The following MFSD6 variants were observed in gnomAD, a reference collection of about 807,000 sequenced individuals.
MFSD6 encodes major facilitator superfamily domain containing 6, also known as major facilitator superfamily domain-containing protein 6.
In MFSD6, 26 loss-of-function variants were observed where a neutral mutation model predicts 56.3. The ratio of observed to expected loss-of-function variants is 0.46; its 90% CI spans 0.34 to 0.64. MFSD6 has a LOEUF of 0.64. Among genes scored for constraint, MFSD6 ranks in the 30% least tolerant of loss-of-function variants. The pLI is 0.01. For missense variants in MFSD6, 750 were observed against 986.2 expected (o/e 0.76, Z 3.21); for synonymous variants, 331 against 366.9 (o/e 0.90, Z 1.12).
intron 3 of MFSD6, among the ~76,000 whole-genome samples, chr2:190,449,579 G>A (rs553504192): frequency 3.3e-5 from 5 of 152,164 alleles, no homozygotes; most frequent in South Asian, 4.2e-4. Flanking sequence ...TGTTTATTGC[G>A]GCACTATTCA....
Position 190,492,907 on chromosome 2 carries a change from C to A in MFSD6, c.1891+3041C>A, listed in dbSNP as rs912327450. Among the ~76,000 whole-genome samples the A allele has an allele frequency of 3.3e-5, 5 of 151,910 alleles. No homozygotes were observed. Among genetic ancestry groups the A allele is most frequent in the African/African-American group, 4.8e-5 (2 of 41,338 alleles). ...AATCTTGAAACAAATCCTGGAAACACATCCAAACAGAACCTCTTTAAAGCA... is the reference window on the plus strand; with the variant it reads ...AATCTTGAAACAAATCCTGGAAACAAATCCAAACAGAACCTCTTTAAAGCA... On this transcript the variant is annotated intron_variant, in intron 6 of 7. Coordinates refer to ENST00000392328, the MANE Select transcript of MFSD6 (RefSeq NM_017694.4). The surrounding 1 kb of genome is among the most constrained non-coding windows in gnomAD (Gnocchi z 5.2).
chr2:190,473,235 A>T (rs1379013397), intron 4 of MFSD6, among the ~76,000 whole-genome samples: 1 of 152,198 alleles, frequency 6.6e-6, no homozygotes, highest in Non-Finnish European at 1.5e-5. Flanking sequence ...CACACATAAC[A>T]ATATTAACCT....
At position 190,471,265 on chromosome 2, in the gene MFSD6, G is replaced by A. The variant is rs182296061; in HGVS notation, c.1630+1410G>A. Among the ~76,000 whole-genome samples the A allele has an allele frequency of 6.6e-6, 1 of 152,328 alleles. No individual in the cohort carries two copies. Among genetic ancestry groups the A allele is most frequent in the East Asian group, 1.9e-4 (1 of 5,176 alleles). Reference sequence around the variant, plus strand: ...GGTGCAGGATAGTGGGTGCAGCGCGGTGAGCGTGAGCTGAAGCAGGGCGAG... The same window carrying A: ...GGTGCAGGATAGTGGGTGCAGCGCGATGAGCGTGAGCTGAAGCAGGGCGAG... On this transcript the variant is annotated intron_variant, in intron 4 of 7. Transcript: ENST00000392328. The surrounding 1 kb of genome is among the most constrained non-coding windows in gnomAD (Gnocchi z 4.7).
chr2:190,425,947 C>T lies in MFSD6; in HGVS notation c.-53-10030C>T, dbSNP rs1475059162. ...GCTATCATTTCAATTGTTTTTCTCC[C>T]ATTGGTAAGTTGTTTCTCTCTGCTT... On this transcript the variant is annotated intron_variant, in intron 2 of 7. Coordinates refer to ENST00000392328, the MANE Select transcript of MFSD6 (RefSeq NM_017694.4). The surrounding 1 kb of genome is among the most constrained non-coding windows in gnomAD (Gnocchi z 4.3). Among the ~76,000 whole-genome samples the T allele has an allele frequency of 6.6e-6, 1 of 152,106 alleles. No homozygotes were observed. The highest frequency in any genetic ancestry group is 1.5e-5 in the Non-Finnish European group (1 of 68,022).
rs528896507 is a variant in MFSD6, at chr2:190,491,461, C to G, written c.1891+1595C>G. Among the ~76,000 whole-genome samples, 2 of 152,278 alleles carry G rather than the reference C, an allele frequency of 1.3e-5. No individual in the cohort carries two copies. The highest frequency in any genetic ancestry group is 4.8e-5 in the African/African-American group (2 of 41,542). On this transcript the variant is annotated intron_variant, in intron 6 of 7. Coordinates refer to ENST00000392328, the MANE Select transcript of MFSD6 (RefSeq NM_017694.4). This position sits in a 1 kb window ranked among gnomAD's most constrained non-coding sequence, Gnocchi z 4.2. ...TTGGGCTGGTATCCAGCTGAGAGAC[C>G]TAAAGATGGTTCACATCACAGGACT...
chr2:190,479,326 A>G (rs1388181238), intron 4 of MFSD6, among the ~76,000 whole-genome samples: 1 of 152,218 alleles, frequency 6.6e-6, no homozygotes, highest in East Asian at 1.9e-4. Flanking sequence ...GCAACTGGTA[A>G]TACCATATAA....
At position 190,491,270 on chromosome 2, in the gene MFSD6, G is replaced by A. The variant is rs1380190738; in HGVS notation, c.1891+1404G>A. On this transcript the variant is annotated intron_variant, in intron 6 of 7. Coordinates refer to ENST00000392328, the MANE Select transcript of MFSD6 (RefSeq NM_017694.4). The surrounding 1 kb of genome is among the most constrained non-coding windows in gnomAD (Gnocchi z 4.2). ...GGGAAAATGGCAAGATAGGAGGCAG[G>A]ATTAGGTTGCAGCTCACACTCAGGT... 6.6e-6 allele frequency among the ~76,000 whole-genome samples: 1 copy of A among 152,186 alleles called. No homozygotes were observed. The highest frequency in any genetic ancestry group is 1.5e-5 in the Non-Finnish European group (1 of 68,036).
intron 4 of MFSD6, among the ~76,000 whole-genome samples, chr2:190,474,829 C>T (rs1430515243): frequency 6.6e-6 from 1 of 152,186 alleles, no homozygotes; most frequent in East Asian, 1.9e-4. Context: ...AAAATACTGG[C>T]AAACCGAATC....
chr2:190,452,196 A>G (rs1686798438), intron 3 of MFSD6, among the ~76,000 whole-genome samples: 2 of 152,142 alleles, frequency 1.3e-5, no homozygotes, highest in African/African-American at 2.4e-5. Context: ...TGGACGTTGC[A>G]GTGAGCCGAG....
At chr2:190,408,785 C>T (rs1425618072) in intron 1 of MFSD6, among the ~76,000 whole-genome samples, 1 of 152,182 alleles carries the variant, frequency 6.6e-6, no homozygotes, top group African/African-American at 2.4e-5. Flanking sequence ...CCCAGCGCGC[C>T]CCGTGCTGGC....
chr2:190,486,304 C>T (rs545129889), intron 4 of MFSD6, among the ~76,000 whole-genome samples: 1 of 152,308 alleles, frequency 6.6e-6, no homozygotes, highest in African/African-American at 2.4e-5. Flanking sequence ...GTAGTTCATT[C>T]CCTCACTCTG....
Position 190,501,958 on chromosome 2 carries a change from AG to A in MFSD6, c.*1742del, listed in dbSNP as rs1213173725. 2.6e-5 allele frequency: 4 copies of A among 152,668 alleles called. No homozygotes were observed. Among genetic ancestry groups the A allele is most frequent in the Non-Finnish European group, 5.9e-5 (4 of 68,044 alleles). 9.5% of individuals were successfully genotyped at this position (152,668 alleles called of 1,614,324 possible). A position where few individuals can be genotyped will look rare whatever the true frequency, so the allele number is the denominator to read the frequency against. On this transcript the variant is annotated 3_prime_UTR_variant, in exon 8 of 8. Coordinates refer to ENST00000392328, the MANE Select transcript of MFSD6 (RefSeq NM_017694.4). Reference sequence around the variant, plus strand: ...TATGTGGATTTGTGAAACTGACTGTAGGAAGTCAAAAACTTGTACTGTATCT... The same window carrying A: ...TATGTGGATTTGTGAAACTGACTGTAGAAGTCAAAAACTTGTACTGTATCT...
At position 190,417,965 on chromosome 2, in the gene MFSD6, GGTGTGTGTGTGT is replaced by G. The variant is rs59001642; in HGVS notation, c.-54+2577_-54+2588del. Among the ~76,000 whole-genome samples, 20 of 144,690 alleles carry G rather than the reference GGTGTGTGTGTGT, an allele frequency of 1.4e-4. No individual in the cohort carries two copies. Among genetic ancestry groups the G allele is most frequent in the African/African-American group, 3.1e-4 (12 of 38,608 alleles). 94.9% of individuals were successfully genotyped at this position (144,690 alleles called of 152,430 possible). On this transcript the variant is annotated intron_variant, in intron 2 of 7. Transcript: ENST00000392328. The surrounding 1 kb of genome is among the most constrained non-coding windows in gnomAD (Gnocchi z 5.7). ...CTGACTTTTCATTTAACCCTTTAGT[GGTGTGTGTGTGT>G]GTGTGTGTGTGTGTGTGTGTGTGTA...
At chr2:190,448,739 G>A (rs1686671764) in intron 3 of MFSD6, among the ~76,000 whole-genome samples, 1 of 152,184 alleles carries the variant, frequency 6.6e-6, no homozygotes, top group African/African-American at 2.4e-5. Flanking sequence ...AAGGGACTTG[G>A]ATGGGGAACA....
chr2:190,499,959 A>T lies in MFSD6; in HGVS notation c.2173-56A>T. 6.2e-7 allele frequency: 1 copy of T among 1,607,024 alleles called. No homozygotes were observed. Among genetic ancestry groups the T allele is most frequent in the Non-Finnish European group, 8.5e-7 (1 of 1,174,116 alleles). On this transcript the variant is annotated intron_variant, in intron 7 of 7. Coordinates refer to ENST00000392328, the MANE Select transcript of MFSD6 (RefSeq NM_017694.4). This position sits in a 1 kb window ranked among gnomAD's most constrained non-coding sequence, Gnocchi z 6.0. ...GTCTTACTTGAAAGCATATATAAAA[A>T]GTTGGATTTATTTGCTATCACTGAT...
rs1687537238 is a variant in MFSD6, at chr2:190,465,195, G to T, written c.1533-4563G>T. Among the ~76,000 whole-genome samples the T allele has an allele frequency of 6.6e-6, 1 of 152,150 alleles. No individual in the cohort carries two copies. The highest frequency in any genetic ancestry group is 6.5e-5 in the Admixed American group (1 of 15,280). On this transcript the variant is annotated intron_variant, in intron 3 of 7. Coordinates refer to ENST00000392328, the MANE Select transcript of MFSD6 (RefSeq NM_017694.4). This position sits in a 1 kb window ranked among gnomAD's most constrained non-coding sequence, Gnocchi z 4.6. ...ATACAGGATAAAAAACGAGTGGCAG[G>T]TGATTTGGGTTTTCCACAGGGTAGT... is the stretch of plus-strand genomic sequence containing the variant.
chr2:190,410,880 A>C lies in MFSD6; in HGVS notation c.-176+2377A>C, dbSNP rs148405101. The stretch of plus-strand genomic sequence containing the variant: ...AGACCAGCCTGGCCAAGATGGTGAA[A>C]TCCCACCTGTAATAAAAATACAAAA... On this transcript the variant is annotated intron_variant, in intron 1 of 7. Coordinates refer to ENST00000392328, the MANE Select transcript of MFSD6 (RefSeq NM_017694.4). The surrounding 1 kb of genome is among the most constrained non-coding windows in gnomAD (Gnocchi z 4.4). 3.6e-3 allele frequency among the ~76,000 whole-genome samples: 554 copies of C among 152,036 alleles called. 4 individuals carry two copies. Among genetic ancestry groups the C allele is most frequent in the African/African-American group, 0.012 (501 of 41,492 alleles).
At position 190,443,507 on chromosome 2, in the gene MFSD6, T is replaced by G. The variant is rs958106080; in HGVS notation, c.1532+5946T>G. ...TTATAACTACAAGACCCATTGAAGT[T>G]GATAAAAATACAAGTTGACAGTACA... is the stretch of plus-strand genomic sequence containing the variant. On this transcript the variant is annotated intron_variant, in intron 3 of 7. Transcript: ENST00000392328. This position sits in a 1 kb window ranked among gnomAD's most constrained non-coding sequence, Gnocchi z 4.2. 3.3e-5 allele frequency among the ~76,000 whole-genome samples: 5 copies of G among 152,216 alleles called. No homozygotes were observed. Among genetic ancestry groups the G allele is most frequent in the Admixed American group, 2.0e-4 (3 of 15,278 alleles).
chr2:190,440,316 C>T (rs778455700), intron 3 of MFSD6, among the ~76,000 whole-genome samples: 1 of 152,206 alleles, frequency 6.6e-6, no homozygotes, highest in African/African-American at 2.4e-5. Context: ...TCTAAACACA[C>T]ACACATAGAG....
Sources: gnomAD v4.1 joint callset for allele counts (sites outside exome capture counted in the v4.1 genomes callset) on GRCh38, gnomAD v4.1.1 for gene constraint, Gnocchi (gnomAD v3.1) non-coding constraint, MANE v1.5 for transcripts, NCBI Gene and HGNC (gene_info 2026-07-23, HGNC 2026-07-21) for gene names.